The following LRBA variants were observed in gnomAD, a reference collection of about 807,000 sequenced individuals.
LRBA encodes LPS responsive beige-like anchor protein.
LRBA carries 176 observed loss-of-function variants against 330.0 expected under a neutral mutation model. That is an observed-to-expected ratio of 0.53 (90% CI 0.47 to 0.60). The LOEUF is 0.60. Among genes scored for constraint, LRBA ranks in the 20% least tolerant of loss-of-function variants. The pLI is 0.00. For missense variants in LRBA, 3,259 were observed against 3,444.8 expected (o/e 0.95, Z 1.35); for synonymous variants, 1,230 against 1,193.0 (o/e 1.03, Z -0.64).
At chr4:150,895,782 C>A (rs563025744) in intron 16 of LRBA, among the ~76,000 whole-genome samples, 1 of 152,150 alleles carries the variant, frequency 6.6e-6, no homozygotes, top group Non-Finnish European at 1.5e-5. Flanking sequence ...GATTTATAAT[C>A]CTTTGGGTAT....
intron 46 of LRBA, among the ~76,000 whole-genome samples, chr4:150,420,453 TATAA>T (rs1478539434): frequency 2.0e-5 from 2 of 100,758 alleles, no homozygotes; most frequent in African/African-American, 3.7e-5. Context: ...ATATATAATA[TATAA>T]AGTATATATA....
At chr4:150,717,538 T>G (rs566258533) in intron 36 of LRBA, among the ~76,000 whole-genome samples, 1 of 151,782 alleles carries the variant, frequency 6.6e-6, no homozygotes, top group South Asian at 2.1e-4. Flanking sequence ...TGTGCACATG[T>G]AGTGCCAGCT....
chr4:150,489,649 AT>A lies in LRBA; in HGVS notation c.6448+1268del, dbSNP rs1758630549. Among the ~76,000 whole-genome samples, 2 of 122,758 alleles carry A rather than the reference AT, an allele frequency of 1.6e-5. 1 individual carries two copies. The highest frequency in any genetic ancestry group is 4.5e-4 in the East Asian group (2 of 4,492). The allele number at this position is 122,758 out of a possible 152,430, so 80.5% of individuals were successfully genotyped here. A position where few individuals can be genotyped will look rare whatever the true frequency, so the allele number is the denominator to read the frequency against. On this transcript the variant is annotated intron_variant, in intron 41 of 56. Coordinates refer to ENST00000651943, the MANE Select transcript of LRBA (RefSeq NM_001364905.1). ...TATATAATATATAAGAATATATAAT[AT>A]ATAATATTATATATAAGAATATATA...
chr4:150,874,878 T>C (rs1753830217), intron 17 of LRBA, among the ~76,000 whole-genome samples: 1 of 152,144 alleles, frequency 6.6e-6, no homozygotes, highest in African/African-American at 2.4e-5. Context: ...ATGCACTTGC[T>C]TGCCCAGATT....
intron 2 of LRBA, among the ~76,000 whole-genome samples, chr4:150,973,427 A>G (rs954274080): frequency 6.6e-5 from 10 of 152,164 alleles, no homozygotes; most frequent in African/African-American, 1.9e-4. Flanking sequence ...TCAGCCTCCC[A>G]AAGTGCTGGT....
intron 2 of LRBA, among the ~76,000 whole-genome samples, chr4:151,002,652 A>C (rs1289395171): frequency 3.9e-5 from 6 of 152,126 alleles, no homozygotes; most frequent in Non-Finnish European, 7.4e-5. Context: ...TCAGAAAAAT[A>C]ATTCAGAATA....
chr4:150,617,238 T>C (rs1234219863), intron 37 of LRBA, among the ~76,000 whole-genome samples: 1 of 152,180 alleles, frequency 6.6e-6, no homozygotes, highest in Admixed American at 6.5e-5. Context: ...TCAAAAAACC[T>C]CATAAAGAAA....
chr4:150,471,635 T>C lies in LRBA; in HGVS notation c.6656A>G (p.Asn2219Ser). The C allele has an allele frequency of 6.3e-7, 1 of 1,580,992 alleles. No homozygotes were observed. Among genetic ancestry groups the C allele is most frequent in the South Asian group, 1.1e-5 (1 of 87,144 alleles). The change falls in exon 43 of 57, where the codon AAC becomes AGC. Residue 2219 changes from asparagine (N) to serine (S), a missense_variant. Asn to Ser is a conservative substitution (Grantham distance 46). Transcript: ENST00000651943. Reference sequence around the variant, plus strand: ...TGGAATTAGGTTACCTGCTATCGTGTTGAGAAACATCAAGTACTCAAAATT... The same window carrying C: ...TGGAATTAGGTTACCTGCTATCGTGCTGAGAAACATCAAGTACTCAAAATT... ...ISNFEYLMFL[N>S]TIAGRSYNDL...
intron 2 of LRBA, among the ~76,000 whole-genome samples, chr4:150,994,430 C>T (rs2149634731): frequency 6.6e-6 from 1 of 152,318 alleles, no homozygotes; most frequent in Non-Finnish European, 1.5e-5. Flanking sequence ...AGTCATCCAT[C>T]CAACATGTAT....
At chr4:150,348,849 C>T (rs536372703) in intron 48 of LRBA, among the ~76,000 whole-genome samples, 1 of 152,254 alleles carries the variant, frequency 6.6e-6, no homozygotes, top group Non-Finnish European at 1.5e-5. Flanking sequence ...CTGTATGTTG[C>T]TCTCACCTCA....
intron 38 of LRBA, among the ~76,000 whole-genome samples, chr4:150,591,152 CA>C (rs1436499297): frequency 6.6e-6 from 1 of 152,098 alleles, no homozygotes; most frequent in East Asian, 1.9e-4. Flanking sequence ...GGTTCAAAAG[CA>C]GTACTTTTAT....
chr4:150,803,668 CAGT>C (rs1375962965), intron 33 of LRBA, among the ~76,000 whole-genome samples: 1 of 152,096 alleles, frequency 6.6e-6, no homozygotes, highest in Non-Finnish European at 1.5e-5. Context: ...TTCTGTTTTA[CAGT>C]ACATGAAACC....
At chr4:150,911,179 T>C (rs996202956) in intron 9 of LRBA, among the ~76,000 whole-genome samples, 1 of 152,130 alleles carries the variant, frequency 6.6e-6, no homozygotes, top group African/African-American at 2.4e-5. Context: ...TGCCTTTTCT[T>C]TTTCTTGCCA....
At chr4:150,485,026 G>C (rs1266718662) in intron 42 of LRBA, among the ~76,000 whole-genome samples, 1 of 151,972 alleles carries the variant, frequency 6.6e-6, no homozygotes, top group African/African-American at 2.4e-5. Flanking sequence ...TAAACATTTT[G>C]AGACTTATTT....
chr4:150,857,573 T>C (rs1218866325), intron 22 of LRBA, among the ~76,000 whole-genome samples: 1 of 152,160 alleles, frequency 6.6e-6, no homozygotes, highest in East Asian at 1.9e-4. Flanking sequence ...TTTTAAAACA[T>C]GTACAGACTC....
intron 47 of LRBA, among the ~76,000 whole-genome samples, chr4:150,366,561 G>T (rs1019143307): frequency 2.4e-4 from 37 of 152,176 alleles, no homozygotes; most frequent in Admixed American, 2.4e-3. Context: ...GGTGGACAGT[G>T]AGAGGAGGGA....
At chr4:150,394,760 G>T (rs1744479932) in intron 47 of LRBA, among the ~76,000 whole-genome samples, 1 of 152,110 alleles carries the variant, frequency 6.6e-6, no homozygotes, top group Non-Finnish European at 1.5e-5. Flanking sequence ...ATAGAATGTT[G>T]AAAACAGAAT....
chr4:150,740,046 G>T (rs555259139), intron 35 of LRBA, among the ~76,000 whole-genome samples: 1 of 152,084 alleles, frequency 6.6e-6, no homozygotes, highest in Non-Finnish European at 1.5e-5. Context: ...CACAGCAGTC[G>T]CTAAGTAATA....
At chr4:150,487,708 T>A in intron 42 of LRBA, 24 bp downstream of exon 42, 2 of 1,431,544 alleles carry the variant, frequency 1.4e-6, no homozygotes, top group Non-Finnish European at 2.0e-6. Flanking sequence ...TTACTTTCCC[T>A]AAGTTTCTCA....
Sources: allele counts gnomAD v4.1 joint callset (sites outside exome capture counted in the v4.1 genomes callset), GRCh38; gene constraint gnomAD v4.1.1; transcripts MANE v1.5; gene names NCBI Gene and HGNC (gene_info 2026-07-23, HGNC 2026-07-21).